The following ZNF880 variants were observed in gnomAD, a reference collection of about 807,000 sequenced individuals.
ZNF880 encodes zinc finger protein LOC400713.
Under a neutral mutation model 11.8 loss-of-function variants are expected in ZNF880, and 12 were observed. That is an observed-to-expected ratio of 1.02 (90% CI 0.65 to 1.65). ZNF880 has a LOEUF of 1.65. Ranked by LOEUF, ZNF880 falls within the 40% of genes most tolerant of loss-of-function variation. ZNF880 has a pLI of 0.00. For missense variants in ZNF880, 601 were observed against 673.9 expected, an observed-to-expected ratio of 0.89 and a Z score of 1.20; for synonymous variants, 210 against 232.4, an observed-to-expected ratio of 0.90 and a Z score of 0.88.
downstream of ZNF880, among the ~76,000 whole-genome samples, chr19:52,386,588 G>A (rs1986892676): frequency 7.0e-6 from 1 of 143,068 alleles, no homozygotes; most frequent in Non-Finnish European, 1.5e-5. Flanking sequence ...GATCACTTGA[G>A]GTCAGGAGTT....
chr19:52,372,450 G>T (rs1353816817), intron 1 of ZNF880, among the ~76,000 whole-genome samples: 1 of 149,288 alleles, frequency 6.7e-6, no homozygotes, highest in Non-Finnish European at 1.5e-5. Context: ...ACTACGCCTG[G>T]CTAATTTTTT....
At chr19:52,386,284 A>C (rs896175929), downstream of ZNF880, among the ~76,000 whole-genome samples, 1 of 143,390 alleles carries the variant, frequency 7.0e-6, no homozygotes, top group Non-Finnish European at 1.5e-5. Context: ...GCGTTTTCTT[A>C]TTATTGTCTG....
At chr19:52,388,291 T>TTTTTTTTTTG (rs1986948674), downstream of ZNF880, among the ~76,000 whole-genome samples, 1 of 124,396 alleles carries the variant, frequency 8.0e-6, no homozygotes, top group Non-Finnish European at 1.7e-5. Context: ...ACTTTTTTTT[T>TTTTTTTTTTG]TTTTTTTTTT....
At chr19:52,389,584 T>C (rs2058700243), downstream of ZNF880, 1 of 152,274 alleles carries the variant, frequency 6.6e-6, no homozygotes, top group Non-Finnish European at 1.5e-5. Context: ...TCCTGGCTGC[T>C]TTCACAGGCT....
chr19:52,382,857 T>A (rs1568664057), intron 3 of ZNF880, among the ~76,000 whole-genome samples: 1 of 152,204 alleles, frequency 6.6e-6, no homozygotes, highest in African/African-American at 2.4e-5. Context: ...TGTTTGAACA[T>A]TATTTCTACA....
chr19:52,377,138 A>G (rs1294102630), intron 3 of ZNF880, among the ~76,000 whole-genome samples: 2 of 152,112 alleles, frequency 1.3e-5, no homozygotes, highest in Non-Finnish European at 2.9e-5. Context: ...AAGTTTATAC[A>G]TCAAACCTGG....
intron 3 of ZNF880, among the ~76,000 whole-genome samples, chr19:52,377,491 G>A (rs927868204): frequency 1.3e-5 from 2 of 152,168 alleles, no homozygotes; most frequent in African/African-American, 4.8e-5. Context: ...TGGAATTAGA[G>A]TCAGATCCCA....
rs1568665085 is a variant in ZNF880, at chr19:52,384,452, C to T, written c.872C>T (p.Thr291Ile). The stretch of plus-strand genomic sequence containing the variant: ...CTTGCAAATCATCACAGAATCCACA[C>T]TGGAGAGAAACCTTACAAATGTAAT... ...SHLANHHRIH[T>I]GEKPYKCNEC... The change falls in exon 4 of 4, where the codon ACT becomes ATT. Residue 291 changes from threonine to isoleucine, a missense_variant. Around this residue, in one of 3 missense-constraint regions of ZNF880, gnomAD observed 420 missense variants for 442.6 expected, o/e 0.95. Coordinates refer to ENST00000422689, the MANE Select transcript of ZNF880 (RefSeq NM_001145434.2). 1 of 1,614,174 alleles carries T rather than the reference C, an allele frequency of 6.2e-7. No homozygotes were observed. Among genetic ancestry groups the T allele is most frequent in the South Asian group, 1.1e-5 (1 of 91,090 alleles).
At chr19:52,367,022 T>C (rs1035286049), upstream of ZNF880, 33 of 409,898 alleles carry the variant, frequency 8.1e-5, no homozygotes, top group African/African-American at 6.5e-4. Context: ...TATTCTTGAG[T>C]AGGATTCACA....
downstream of ZNF880, chr19:52,390,704 C>T (rs324122): frequency 0.17 from 25,653 of 153,372 alleles, 2,385 homozygotes; most frequent in African/African-American, 0.25. Context: ...GAGGCTGAGG[C>T]GGGCAGATCA....
chr19:52,388,261 C>T (rs1267169648), downstream of ZNF880, among the ~76,000 whole-genome samples: 1 of 115,212 alleles, frequency 8.7e-6, no homozygotes, highest in Non-Finnish European at 1.8e-5. Flanking sequence ...CTTCCCCTTA[C>T]AACATTTTTG....
Position 52,384,049 on chromosome 19 carries a change from A to G in ZNF880, c.469A>G (p.Ile157Val), listed in dbSNP as rs557722584. ...QKIYSSVKSH[I>V]LNKYRNDFDD... ...AATTTATTCTAGTGTCAAATCCCAC[A>G]TTTTAAATAAATACAGAAATGATTT... The change falls in exon 4 of 4, where the codon ATT (isoleucine) becomes GTT (valine). Residue 157 changes from isoleucine (I) to valine (V), a missense_variant. This residue lies in a region of ZNF880 where 420 missense variants were observed against 442.6 expected (regional missense o/e 0.95). Transcript: ENST00000422689. The G allele has an allele frequency of 6.4e-7, 1 of 1,561,692 alleles. No individual in the cohort carries two copies. The highest frequency in any genetic ancestry group is 1.2e-5 in the South Asian group (1 of 85,248).
At chr19:52,374,166 C>T (rs994417664) in intron 2 of ZNF880, 133 bp from the exon 3 acceptor site, 9 of 673,270 alleles carry the variant, frequency 1.3e-5, no homozygotes, top group South Asian at 2.2e-5. Context: ...CCCAGGTTCA[C>T]GCTGAGTATC....
At chr19:52,370,591 C>G (rs2122339472) in intron 1 of ZNF880, 1 of 153,024 alleles carries the variant, frequency 6.5e-6, no homozygotes, top group South Asian at 2.0e-4. Context: ...TGAGACCACT[C>G]TGGACAACAT....
chr19:52,370,009 G>A (rs1986314724), intron 1 of ZNF880, 32 bp downstream of exon 1: 1 of 1,551,450 alleles, frequency 6.4e-7, no homozygotes, highest in African/African-American at 1.4e-5. Context: ...TTAAATCTGG[G>A]ATGCTGAGTC....
In ZNF880 at chr19:52,374,395, G is replaced by C. The variant is rs763903157; in HGVS notation, c.236G>C (p.Gly79Ala). 1 of 1,612,862 alleles carries C rather than the reference G, an allele frequency of 6.2e-7. No individual in the cohort carries two copies. The highest frequency in any genetic ancestry group is 1.3e-5 in the African/African-American group (1 of 74,832). The part of the protein sequence containing the change: ...QSEVKIANNP[G>A]GRECIKGVNA... ...GAAGTGAAAATAGCAAACAATCCAG[G>C]TGGCAGGGAGTGCATCAAAGGTGTG... The change falls in exon 3 of 4, where the codon GGT becomes GCT. Residue 79 changes from glycine to alanine, a missense_variant. Gly to Ala is a moderately conservative substitution (Grantham distance 60). Coordinates refer to ENST00000422689, the MANE Select transcript of ZNF880 (RefSeq NM_001145434.2).
chr19:52,367,711 C>CTT (rs1986179518), upstream of ZNF880: 1 of 45,480 alleles, frequency 2.2e-5, no homozygotes, highest in South Asian at 6.5e-4. Flanking sequence ...GTCAAAATCA[C>CTT]TTTAATAGTA....
intron 1 of ZNF880, among the ~76,000 whole-genome samples, chr19:52,372,202 T>C (rs114226973): frequency 0.026 from 3,963 of 151,486 alleles, 170 homozygotes; most frequent in African/African-American, 0.091. Context: ...AAAAATTATA[T>C]ATATTGTATC....
chr19:52,378,289 G>T (rs930313883), intron 3 of ZNF880, among the ~76,000 whole-genome samples: 1 of 152,286 alleles, frequency 6.6e-6, no homozygotes, highest in Admixed American at 6.5e-5. Flanking sequence ...AGTGGTGTGT[G>T]TAACGGGAGT....
Sources: allele counts gnomAD v4.1 joint callset (sites outside exome capture counted in the v4.1 genomes callset), GRCh38; gene constraint gnomAD v4.1.1; regional missense constraint gnomAD v4.1.1; transcripts MANE v1.5; gene names NCBI Gene and HGNC (gene_info 2026-07-23, HGNC 2026-07-21).